Variants in ZNF236 observed in about 807,000 individuals in gnomAD.
The protein encoded by ZNF236 is zinc finger protein 236, also known as regulated by glucose.
Under a neutral mutation model 191.2 loss-of-function variants are expected in ZNF236, and 50 were observed. That is an observed-to-expected ratio of 0.26 (90% CI 0.21 to 0.33). The LOEUF (loss-of-function observed/expected upper bound fraction) is 0.33, where lower values mean the gene tolerates loss of function less well. Among genes scored for constraint, ZNF236 ranks in the 10% least tolerant of loss-of-function variants. The pLI, the probability that ZNF236 is intolerant of heterozygous loss-of-function variation, is 1.00. For missense variants in ZNF236, 1,754 were observed against 2,374.5 expected (o/e 0.74, Z 5.43); for synonymous variants, 907 against 928.8 (o/e 0.98, Z 0.43).
At chr18:76,853,999 G>A (rs551275766) in intron 3 of ZNF236, among the ~76,000 whole-genome samples, 2 of 150,062 alleles carry the variant, frequency 1.3e-5, no homozygotes, top group East Asian at 2.0e-4. Context: ...AACAGAGCAA[G>A]ACTCTGTCTT....
Position 76,927,976 on chromosome 18 carries a change from C to T in ZNF236, c.4464C>T (p.Pro1488=). The T allele has an allele frequency of 6.2e-7, 1 of 1,613,680 alleles. No individual in the cohort carries two copies. The highest frequency in any genetic ancestry group is 8.5e-7 in the Non-Finnish European group (1 of 1,179,788). Residue 1488 remains proline, a synonymous_variant, in exon 25 of 31, where the codon CCC becomes CCT. Coordinates refer to ENST00000320610, the MANE Select transcript of ZNF236 (RefSeq NM_001306089.2). The surrounding 1 kb of genome is among the most constrained non-coding windows in gnomAD (Gnocchi z 5.4). Reference sequence around the variant, plus strand: ...TGACTTCGCAAGGTCTAGTGTCCCCCTCCGGCGGTCCCCACGAGATCACCC... The same window carrying T: ...TGACTTCGCAAGGTCTAGTGTCCCCTTCCGGCGGTCCCCACGAGATCACCC... The part of the protein sequence containing the change: ...QVMTSQGLVS[P]SGGPHEITLT...
intron 3 of ZNF236, among the ~76,000 whole-genome samples, chr18:76,866,979 G>T (rs1026127756): frequency 6.6e-6 from 1 of 152,182 alleles, no homozygotes; most frequent in African/African-American, 2.4e-5. Context: ...ATAAACTGGG[G>T]TTGTCACTCA....
At chr18:76,878,831 A>G (rs762730809) in intron 7 of ZNF236, among the ~76,000 whole-genome samples, 2 of 152,234 alleles carry the variant, frequency 1.3e-5, no homozygotes. Context: ...GAATGCAGTT[A>G]CTTGGTTGTA....
Position 76,970,784 on chromosome 18 carries a change from T to C in ZNF236, c.*2445T>C, listed in dbSNP as rs1968897599. Reference sequence around the variant, plus strand: ...AAGATAAAACAGTTTGGCATGTAAATTAATTTCAAGTTCAGATATTTTTAA... The same window carrying C: ...AAGATAAAACAGTTTGGCATGTAAACTAATTTCAAGTTCAGATATTTTTAA... On this transcript the variant is annotated 3_prime_UTR_variant, in exon 31 of 31. Coordinates refer to ENST00000320610, the MANE Select transcript of ZNF236 (RefSeq NM_001306089.2). 3 of 152,282 alleles carry C rather than the reference T, an allele frequency of 2.0e-5. No homozygotes were observed. Among genetic ancestry groups the C allele is most frequent in the Admixed American group, 2.0e-4 (3 of 15,294 alleles). 9.4% of individuals were successfully genotyped at this position (152,282 alleles called of 1,614,324 possible).
Position 76,848,913 on chromosome 18 carries a change from C to T in ZNF236, c.56-613C>T, listed in dbSNP as rs559417326. ...ACCTCAGGCAATTCTCCTGCCTTGTCTTCCCCAAGTGCTGAAATAAAAGGC... is the reference window on the plus strand; with the variant it reads ...ACCTCAGGCAATTCTCCTGCCTTGTTTTCCCCAAGTGCTGAAATAAAAGGC... On this transcript the variant is annotated intron_variant, in intron 1 of 30. Coordinates refer to ENST00000320610, the MANE Select transcript of ZNF236 (RefSeq NM_001306089.2). Among the ~76,000 whole-genome samples, 17 of 152,326 alleles carry T rather than the reference C, an allele frequency of 1.1e-4. No individual in the cohort carries two copies. The South Asian group carries it at 3.3e-3, about 30-fold the overall frequency.
At chr18:76,879,567 TC>T (rs1007809416) in intron 7 of ZNF236, among the ~76,000 whole-genome samples, 12 of 152,200 alleles carry the variant, frequency 7.9e-5, no homozygotes, top group African/African-American at 2.9e-4. Context: ...TTCCCTGCCA[TC>T]CGTTTTCTTC....
intron 25 of ZNF236, among the ~76,000 whole-genome samples, chr18:76,935,291 A>G (rs997218137): frequency 2.0e-5 from 3 of 152,196 alleles, no homozygotes; most frequent in Non-Finnish European, 2.9e-5. Context: ...AATCCATTGA[A>G]TTAGGACATT....
chr18:76,953,322 G>C (rs531791499), intron 27 of ZNF236, among the ~76,000 whole-genome samples: 2 of 152,300 alleles, frequency 1.3e-5, no homozygotes, highest in African/African-American at 2.4e-5. Context: ...AGGGGCCATG[G>C]CCTTCTTTTG....
At position 76,969,937 on chromosome 18, in the gene ZNF236, ATTTT is replaced by A; in HGVS notation, c.*1602_*1605del. On this transcript the variant is annotated 3_prime_UTR_variant, in exon 31 of 31. Coordinates refer to ENST00000320610, the MANE Select transcript of ZNF236 (RefSeq NM_001306089.2). ...TTCCAAACTGCTTTGTGTATTGTAT[ATTTT>A]TTTAAGAAAAAGAAAAGCCTTATTT... The A allele has an allele frequency of 6.6e-6, 1 of 152,624 alleles. No individual in the cohort carries two copies. Among genetic ancestry groups the A allele is most frequent in the East Asian group, 1.9e-4 (1 of 5,184 alleles). The allele number at this position is 152,624 out of a possible 1,614,324, so 9.5% of individuals were successfully genotyped here. A position where few individuals can be genotyped will look rare whatever the true frequency, so the allele number is the denominator to read the frequency against.
chr18:76,888,196 C>A (rs1188533093), intron 9 of ZNF236, among the ~76,000 whole-genome samples: 3 of 152,138 alleles, frequency 2.0e-5, no homozygotes, highest in Non-Finnish European at 4.4e-5. Flanking sequence ...ATGGTGTAAC[C>A]CCATCTCTGC....
intron 25 of ZNF236, among the ~76,000 whole-genome samples, chr18:76,934,334 C>A (rs990506183): frequency 6.6e-6 from 1 of 152,208 alleles, no homozygotes; most frequent in African/African-American, 2.4e-5. Context: ...AAATCTGACA[C>A]AAAGAGTTTT....
chr18:76,915,448 T>C (rs1050608192), intron 18 of ZNF236, among the ~76,000 whole-genome samples, 199 bp from the exon 19 acceptor site: 4 of 152,074 alleles, frequency 2.6e-5, no homozygotes, highest in African/African-American at 9.7e-5. Context: ...ATCCCATTTC[T>C]AAAAATTGGA....
intron 1 of ZNF236, among the ~76,000 whole-genome samples, chr18:76,830,674 A>T (rs1228787641): frequency 6.6e-6 from 1 of 152,170 alleles, no homozygotes; most frequent in African/African-American, 2.4e-5. Flanking sequence ...ATAATGTTTT[A>T]GGCAAGTTTA....
intron 1 of ZNF236, among the ~76,000 whole-genome samples, chr18:76,827,043 T>C (rs911569226): frequency 6.8e-6 from 1 of 147,400 alleles, no homozygotes; most frequent in African/African-American, 2.5e-5. Context: ...ATTACAGGCA[T>C]GCGCCACTAT....
chr18:76,829,993 C>A (rs1401985094), intron 1 of ZNF236, among the ~76,000 whole-genome samples: 1 of 152,230 alleles, frequency 6.6e-6, no homozygotes, highest in East Asian at 1.9e-4. Context: ...GCCTCAGCCA[C>A]CTGAGTAGCT....
chr18:76,899,073 A>T lies in ZNF236; in HGVS notation c.1745A>T (p.His582Leu). 6.2e-7 allele frequency: 1 copy of T among 1,614,194 alleles called. No homozygotes were observed. The highest frequency in any genetic ancestry group is 8.5e-7 in the Non-Finnish European group (1 of 1,180,020). ...GACAAAAAATTTCGAACCTCAGGCC[A>T]TAGGAAGACTCACATTGCTTCCCAC... ...HCDKKFRTSG[H>L]RKTHIASHFK... The change falls in exon 11 of 31, where the codon CAT becomes CTT. Residue 582 changes from histidine to leucine, a missense_variant. By Grantham distance (99) the His-to-Leu change is moderately conservative. Around this residue, in one of 5 missense-constraint regions of ZNF236, gnomAD observed 641 missense variants for 869.6 expected, o/e 0.74. Transcript: ENST00000320610.
chr18:76,915,435 A>G (rs191124108), intron 18 of ZNF236, among the ~76,000 whole-genome samples: 1 of 152,288 alleles, frequency 6.6e-6, no homozygotes, highest in East Asian at 1.9e-4. Context: ...TGTTCTTAAA[A>G]CAATCCCATT....
At chr18:76,914,604 C>CA (rs1967306979) in intron 18 of ZNF236, among the ~76,000 whole-genome samples, 2 of 152,168 alleles carry the variant, frequency 1.3e-5, no homozygotes, top group South Asian at 4.1e-4. Flanking sequence ...TGAGCCTTCC[C>CA]ACGTGCCATT....
intron 3 of ZNF236, among the ~76,000 whole-genome samples, chr18:76,864,401 T>A (rs1976340768): frequency 6.6e-6 from 1 of 151,976 alleles, no homozygotes. Flanking sequence ...CGTTTCACCT[T>A]GTTGGCCAGG....
Sources: gnomAD v4.1 joint callset for allele counts (sites outside exome capture counted in the v4.1 genomes callset) on GRCh38, gnomAD v4.1.1 for gene constraint, gnomAD v4.1.1 regional missense constraint, Gnocchi (gnomAD v3.1) non-coding constraint, MANE v1.5 for transcripts, NCBI Gene and HGNC (gene_info 2026-07-23, HGNC 2026-07-21) for gene names.